OGT: variants seen among roughly 807,000 people sequenced by gnomAD.
The protein encoded by OGT is O-linked N-acetylglucosamine (GlcNAc) transferase.
OGT carries 3 observed loss-of-function variants against 75.8 expected under a neutral mutation model. That is an observed-to-expected ratio of 0.04 (90% CI 0.02 to 0.10). The LOEUF (loss-of-function observed/expected upper bound fraction) is 0.10, where lower values mean the gene tolerates loss of function less well. OGT is among the 10% of genes least tolerant of loss of function. The pLI, the probability that OGT is intolerant of heterozygous loss-of-function variation, is 1.00. For synonymous variants in OGT, 257 were observed against 289.7 expected (o/e 0.89, Z 1.15); for missense variants, 260 against 824.4 (o/e 0.32, Z 8.38).
At chrX:71,534,477 C>T (rs1170918859) in intron 1 of OGT, 5 of 110,771 alleles carry the variant, frequency 4.5e-5, no homozygotes, top group African/African-American at 1.6e-4. Flanking sequence ...GGCTGCGCTT[C>T]TGAGGTTTCC....
Position 71,559,296 on chromosome X carries a change from A to G in OGT, c.1632A>G (p.Glu544=). 1 of 1,210,199 alleles carries G rather than the reference A, an allele frequency of 8.3e-7. No individual in the cohort carries two copies. The highest frequency in any genetic ancestry group is 1.1e-6 in the Non-Finnish European group (1 of 894,599). ...ATGTTCTTCATAAACCACCATATGA[A>G]CATCCAAAAGACTTGAAGCTCAGTG... ...KINVLHKPPY[E]HPKDLKLSDG... is the part of the protein sequence containing the mutation. Residue 544 remains glutamate, a synonymous_variant, in exon 13 of 22, where the codon GAA becomes GAG. Transcript: ENST00000373719.
intron 7 of OGT, among the ~76,000 whole-genome samples, chrX:71,555,658 G>A (rs2040337813): frequency 8.9e-6 from 1 of 112,261 alleles, no homozygotes; most frequent in Admixed American, 9.4e-5. Flanking sequence ...GGGAGGTTGA[G>A]GCTGCAGTGG....
chrX:71,547,483 C>A, intron 4 of OGT: 1 of 771,233 alleles, frequency 1.3e-6, no homozygotes. Flanking sequence ...CCTCATAGAA[C>A]ACACTTTGGG....
In OGT at chrX:71,546,791, T is replaced by C. The variant is rs1443848315; in HGVS notation, c.532-1116T>C. 3 of 753,508 alleles carry C rather than the reference T, an allele frequency of 4.0e-6. No individual in the cohort carries two copies. In the African/African-American group the frequency reaches 6.9e-5, roughly 17 times the overall value. The allele number at this position is 753,508 out of a possible 1,213,427, so 62.1% of individuals were successfully genotyped here. On this transcript the variant is annotated intron_variant, in intron 4 of 21. Transcript: ENST00000373719. ...CTGATGATGCGCTGTGACCCTGCAG[T>C]AGCGCAAAGGCTGCGCAGCGTTAAT...
At chrX:71,571,586 G>T (rs747901739) in intron 21 of OGT, among the ~76,000 whole-genome samples, 76 of 111,569 alleles carry the variant, frequency 6.8e-4, no homozygotes, top group Non-Finnish European at 1.2e-3. Flanking sequence ...TTTAGTAGAG[G>T]CAGGGTTTTG....
At chrX:71,566,580 T>C (rs1356383738) in intron 19 of OGT, among the ~76,000 whole-genome samples, 1 of 112,150 alleles carries the variant, frequency 8.9e-6, no homozygotes, top group Non-Finnish European at 1.9e-5. Flanking sequence ...CTGTCCATGA[T>C]TCAATTACCT....
intron 1 of OGT, 89 bp downstream of exon 1, chrX:71,533,425 C>T: frequency 1.2e-6 from 1 of 828,979 alleles, no homozygotes; most frequent in South Asian, 2.2e-5. Context: ...TCCCTTCCCT[C>T]GAACCATCCC....
rs1284179649 is a variant in OGT, at chrX:71,574,006, G to A, written c.*212G>A. On this transcript the variant is annotated 3_prime_UTR_variant, in exon 22 of 22. Coordinates refer to ENST00000373719, the MANE Select transcript of OGT (RefSeq NM_181672.3). Reference sequence around the variant, plus strand: ...AACTGCTTTTCCACAAGGAATCTCCGTAGAATTTTGCGGCGACCAGATGGT... The same window carrying A: ...AACTGCTTTTCCACAAGGAATCTCCATAGAATTTTGCGGCGACCAGATGGT... The A allele has an allele frequency of 2.3e-5, 7 of 303,268 alleles. No homozygotes were observed. The highest frequency in any genetic ancestry group is 9.1e-4 in the Middle Eastern group (1 of 1,096). The allele number at this position is 303,268 out of a possible 1,213,427, so 25.0% of individuals were successfully genotyped here.
At chrX:71,557,406 C>G in intron 11 of OGT, 87 bp from the exon 12 acceptor site, 1 of 1,066,763 alleles carries the variant, frequency 9.4e-7, no homozygotes, top group Non-Finnish European at 1.3e-6. Flanking sequence ...AATAGGCTAT[C>G]TGACATTACT....
Position 71,573,785 on chromosome X carries a change from G to C in OGT, c.3132G>C (p.Glu1044Asp). The C allele has an allele frequency of 8.4e-7, 1 of 1,197,310 alleles. No homozygotes were observed. Among genetic ancestry groups the C allele is most frequent in the Non-Finnish European group, 1.1e-6 (1 of 888,498 alleles). Residue 1044 changes from glutamate to aspartate, a missense_variant, in exon 22 of 22, where the codon GAG (glutamate) becomes GAC (aspartate). By Grantham distance (45) the Glu-to-Asp change is conservative. Around this residue, in one of 6 missense-constraint regions of OGT, gnomAD observed 34 missense variants for 57.5 expected, o/e 0.59. Coordinates refer to ENST00000373719, the MANE Select transcript of OGT (RefSeq NM_181672.3). ...DHMIKPVEVT[E>D]SA ...TGATTAAGCCTGTTGAAGTCACTGAGTCAGCATAAATAAAGACTGCACAGG... is the reference window on the plus strand; with the variant it reads ...TGATTAAGCCTGTTGAAGTCACTGACTCAGCATAAATAAAGACTGCACAGG...
Position 71,562,716 on chromosome X carries a change from T to A in OGT, c.1978-131T>A, listed in dbSNP as rs2040392734. ...TTTTGGCACCTTTAGGTTCTTTTTT[T>A]AAAAACCACTTTATTGAGGTACAGT... is the stretch of plus-strand genomic sequence containing the variant. On this transcript the variant is annotated intron_variant, in intron 15 of 21. Coordinates refer to ENST00000373719, the MANE Select transcript of OGT (RefSeq NM_181672.3). The A allele has an allele frequency of 5.1e-6, 3 of 587,359 alleles. No homozygotes were observed. The East Asian group carries it at 1.1e-4, about 22-fold the overall frequency. 48.4% of individuals were successfully genotyped at this position (587,359 alleles called of 1,213,427 possible).
rs1287485776 is a variant in OGT at position 71,537,819 on chromosome X, C to A, written c.219-10C>A. 2.5e-6 allele frequency: 3 copies of A among 1,211,022 alleles called. No individual in the cohort carries two copies. In the East Asian group the frequency reaches 8.9e-5, roughly 36 times the overall value. On this transcript the variant is annotated splice_polypyrimidine_tract_variant and intron_variant, in intron 2 of 21. Transcript: ENST00000373719. Reference sequence around the variant, plus strand: ...CATACCCATGCATTAACACTTGTCGCCTTTTCCAGATCTGCTCACTTTAGC... The same window carrying A: ...CATACCCATGCATTAACACTTGTCGACTTTTCCAGATCTGCTCACTTTAGC...
Position 71,561,803 on chromosome X carries a change from G to T in OGT, c.1880G>T (p.Arg627Leu). 3 of 1,199,041 alleles carry T rather than the reference G, an allele frequency of 2.5e-6. No individual in the cohort carries two copies. Among genetic ancestry groups the T allele is most frequent in the Non-Finnish European group, 3.4e-6 (3 of 886,688 alleles). Reference sequence around the variant, plus strand: ...CCATGCAATGGAAAAGCAGCTGATCGCATCCATCAGGATGGAATTCATATC... The same window carrying T: ...CCATGCAATGGAAAAGCAGCTGATCTCATCCATCAGGATGGAATTCATATC... ...QIPCNGKAAD[R>L]IHQDGIHILV... Residue 627 changes from arginine to leucine, a missense_variant, in exon 15 of 22, where the codon CGC (arginine) becomes CTC (leucine). Coordinates refer to ENST00000373719, the MANE Select transcript of OGT (RefSeq NM_181672.3).
In OGT at chrX:71,533,144, C is replaced by T; in HGVS notation, c.-156C>T. On this transcript the variant is annotated 5_prime_UTR_variant, in exon 1 of 22. Transcript: ENST00000373719. The stretch of plus-strand genomic sequence containing the variant: ...TAGGTAGATGGTCAATTAGAGTTCC[C>T]AGGGTTTGAAGCCTGTAACTGCTGC... 1 of 507,344 alleles carries T rather than the reference C, an allele frequency of 2.0e-6. No homozygotes were observed. The highest frequency in any genetic ancestry group is 3.4e-6 in the Non-Finnish European group (1 of 291,844). The allele number at this position is 507,344 out of a possible 1,213,427, so 41.8% of individuals were successfully genotyped here.
At chrX:71,549,288 C>T (rs1296965668) in intron 5 of OGT, among the ~76,000 whole-genome samples, 2 of 76,032 alleles carry the variant, frequency 2.6e-5, no homozygotes, top group Non-Finnish European at 4.9e-5. Flanking sequence ...AAAGTGAGGC[C>T]CTGTCTCAAA....
At chrX:71,556,558 A>T in intron 8 of OGT, 122 bp from the exon 9 acceptor site, 1 of 413,395 alleles carries the variant, frequency 2.4e-6, no homozygotes. Flanking sequence ...ATAGACTTGG[A>T]AAAAGTAGAG....
intron 5 of OGT, among the ~76,000 whole-genome samples, chrX:71,552,387 ATTT>A (rs757206451): frequency 7.6e-5 from 7 of 91,961 alleles, no homozygotes; most frequent in Admixed American, 1.2e-4. Context: ...CACTGAATGG[ATTT>A]TTTTTTTTTT....
intron 21 of OGT, among the ~76,000 whole-genome samples, chrX:71,569,688 G>A (rs2040440596): frequency 1.8e-5 from 2 of 109,618 alleles, no homozygotes; most frequent in Admixed American, 2.0e-4. Flanking sequence ...AAATTTTTTT[G>A]TAGAGATTAA....
intron 21 of OGT, among the ~76,000 whole-genome samples, chrX:71,571,585 G>A (rs766884682): frequency 8.9e-6 from 1 of 111,751 alleles, no homozygotes; most frequent in Non-Finnish European, 1.9e-5. Context: ...TTTTAGTAGA[G>A]GCAGGGTTTT....
Sources: gnomAD v4.1 joint callset for allele counts (sites outside exome capture counted in the v4.1 genomes callset) on GRCh38, gnomAD v4.1.1 for gene constraint, gnomAD v4.1.1 regional missense constraint, MANE v1.5 for transcripts, NCBI Gene and HGNC (gene_info 2026-07-23, HGNC 2026-07-21) for gene names.